The following LRP11 variants were observed in gnomAD, a reference collection of about 807,000 sequenced individuals.
The protein encoded by LRP11 is LDL receptor related protein 11, also known as low-density lipoprotein receptor-related protein 11.
LRP11 carries 25 observed loss-of-function variants against 43.1 expected under a neutral mutation model. The observed-to-expected ratio is 0.58, with a 90% CI of 0.42 to 0.81. The LOEUF is 0.81. LRP11 is among the 30% of genes least tolerant of loss of function. The probability of loss-of-function intolerance (pLI) is 0.00; values close to 1 mark genes in which losing one functional copy is unlikely to be tolerated. For missense variants in LRP11, 623 were observed against 665.1 expected (o/e 0.94, Z 0.70); for synonymous variants, 316 against 299.4 (o/e 1.06, Z -0.57).
At position 149,826,146 on chromosome 6, in the gene LRP11, C is replaced by T. The variant is rs550733097; in HGVS notation, c.1348+118G>A. ...GCAACGAGGAGACAGTTCTTTCGGT[C>T]CACTGACGGACTCCTCCTGTCCTGA... On this transcript the variant is annotated intron_variant, in intron 6 of 6. Coordinates refer to ENST00000239367, the MANE Select transcript of LRP11 (RefSeq NM_032832.6). 1.3e-4 allele frequency: 105 copies of T among 801,456 alleles called. 1 individual carries two copies. Among genetic ancestry groups the T allele is most frequent in the Middle Eastern group, 7.4e-4 (3 of 4,042 alleles). 49.6% of individuals were successfully genotyped at this position (801,456 alleles called of 1,614,324 possible). A position where few individuals can be genotyped will look rare whatever the true frequency, so the allele number is the denominator to read the frequency against.
chr6:149,822,314 TG>T (rs1217331550), intron 6 of LRP11, among the ~76,000 whole-genome samples: 7 of 151,192 alleles, frequency 4.6e-5, no homozygotes, highest in Admixed American at 3.3e-4. Flanking sequence ...CACTCCAGCC[TG>T]GGTGACAGTG....
At chr6:149,861,652 C>T (rs1374147206) in intron 1 of LRP11, among the ~76,000 whole-genome samples, 1 of 152,110 alleles carries the variant, frequency 6.6e-6, no homozygotes, top group African/African-American at 2.4e-5. Context: ...GAGCTGGGAT[C>T]ATAGACAGGC....
At chr6:149,823,699 T>G (rs1447062197) in intron 6 of LRP11, among the ~76,000 whole-genome samples, 1 of 152,178 alleles carries the variant, frequency 6.6e-6, no homozygotes, top group African/African-American at 2.4e-5. Flanking sequence ...CTGAACAAGA[T>G]TCTCAAGAAC....
At chr6:149,832,515 A>G (rs989970778) in intron 5 of LRP11, among the ~76,000 whole-genome samples, 1 of 151,958 alleles carries the variant, frequency 6.6e-6, no homozygotes, top group Admixed American at 6.6e-5. Context: ...TCCTCACCAC[A>G]TGTCTGTGCA....
At chr6:149,839,965 C>G (rs1374116480) in intron 3 of LRP11, among the ~76,000 whole-genome samples, 1 of 152,194 alleles carries the variant, frequency 6.6e-6, no homozygotes, top group Non-Finnish European at 1.5e-5. Context: ...CTAAAAATGT[C>G]TTGAACAACT....
chr6:149,832,933 C>T (rs993398820), intron 5 of LRP11, among the ~76,000 whole-genome samples: 54 of 151,496 alleles, frequency 3.6e-4, no homozygotes, highest in Admixed American at 3.5e-3. Context: ...CTCAGCCTCC[C>T]GAGTAGCTGG....
intron 2 of LRP11, among the ~76,000 whole-genome samples, chr6:149,850,173 C>T (rs1776697977): frequency 6.6e-6 from 1 of 152,222 alleles, no homozygotes; most frequent in Non-Finnish European, 1.5e-5. Context: ...CAGGTTTTAA[C>T]TTAACTATTT....
chr6:149,827,472 G>A lies in LRP11; in HGVS notation c.1253-1113C>T, dbSNP rs79840640. On this transcript the variant is annotated intron_variant, in intron 5 of 6. Transcript: ENST00000239367. The surrounding 1 kb of genome is among the most constrained non-coding windows in gnomAD (Gnocchi z 4.2). Reference sequence around the variant, plus strand: ...TTTACTAAGTCACAAAGTTGGCCAGGTGCACTGGCTCATGCCTATAATCCT... The same window carrying A: ...TTTACTAAGTCACAAAGTTGGCCAGATGCACTGGCTCATGCCTATAATCCT... Among the ~76,000 whole-genome samples, 3,750 of 152,310 alleles carry A rather than the reference G, an allele frequency of 0.025. 156 individuals carry two copies. The highest frequency in any genetic ancestry group is 0.084 in the African/African-American group (3,499 of 41,554).
At chr6:149,821,746 T>C (rs917416125) in intron 6 of LRP11, among the ~76,000 whole-genome samples, 13 of 152,208 alleles carry the variant, frequency 8.5e-5, no homozygotes, top group South Asian at 4.1e-4. Context: ...TGGAACTGTT[T>C]TTAGCTGTAG....
At chr6:149,848,953 G>A (rs1776680471) in intron 2 of LRP11, among the ~76,000 whole-genome samples, 1 of 152,170 alleles carries the variant, frequency 6.6e-6, no homozygotes, top group Non-Finnish European at 1.5e-5. Context: ...GCCATATGAG[G>A]ACACAGTGAG....
At chr6:149,823,165 CAAG>C (rs1776297858) in intron 6 of LRP11, among the ~76,000 whole-genome samples, 1 of 152,094 alleles carries the variant, frequency 6.6e-6, no homozygotes, top group Admixed American at 6.5e-5. Flanking sequence ...AAGAGACGTC[CAAG>C]AAGAAAGTCC....
intron 6 of LRP11, among the ~76,000 whole-genome samples, chr6:149,821,392 T>C (rs1427048936): frequency 6.6e-6 from 1 of 152,230 alleles, no homozygotes; most frequent in Non-Finnish European, 1.5e-5. Context: ...TATGAATTCA[T>C]ACATGATCAT....
intron 6 of LRP11, among the ~76,000 whole-genome samples, chr6:149,821,615 G>A (rs998850407): frequency 6.6e-6 from 1 of 152,190 alleles, no homozygotes; most frequent in African/African-American, 2.4e-5. Flanking sequence ...TAGAAGTAGC[G>A]AGGCTTGCAG....
At chr6:149,842,427 T>C in intron 3 of LRP11, 11 of 576,554 alleles carry the variant, frequency 1.9e-5, no homozygotes, top group Non-Finnish European at 6.2e-6. Context: ...CCTACTGTTT[T>C]AGCAATTTTG....
Position 149,863,443 on chromosome 6 carries a change from G to A in LRP11, c.578C>T (p.Ala193Val). The A allele has an allele frequency of 7.6e-7, 1 of 1,323,002 alleles. No homozygotes were observed. The highest frequency in any genetic ancestry group is 9.6e-7 in the Non-Finnish European group (1 of 1,044,712). The allele number at this position is 1,323,002 out of a possible 1,614,324, so 82.0% of individuals were successfully genotyped here. ...SYSLSRAPDGAALATARASPR... is the reference protein window; with the variant it reads ...SYSLSRAPDGVALATARASPR... ...CGAGGCGCGCGCGGTGGCCAGGGCG[G>A]CGCCGTCCGGCGCGCGGCTGAGGCT... The change falls in exon 1 of 7, where the codon GCC becomes GTC. Residue 193 changes from alanine (A) to valine (V), a missense_variant. Transcript: ENST00000239367.
In LRP11 at chr6:149,836,439, A is replaced by C. The variant is rs1776472667; in HGVS notation, c.1040-142T>G. The C allele has an allele frequency of 4.4e-6, 3 of 686,864 alleles. No homozygotes were observed. In the Admixed American group the frequency reaches 8.6e-5, roughly 20 times the overall value. The allele number at this position is 686,864 out of a possible 1,614,324, so 42.5% of individuals were successfully genotyped here. A position where few individuals can be genotyped will look rare whatever the true frequency, so the allele number is the denominator to read the frequency against. On this transcript the variant is annotated intron_variant, in intron 4 of 6. Transcript: ENST00000239367. ...CATCTAAGACATGTCAGAGGACCAT[A>C]AAAATCTATTCTCACGTTTTCAAAT...
At chr6:149,842,265 A>G (rs1441662989) in intron 3 of LRP11, among the ~76,000 whole-genome samples, 1 of 151,872 alleles carries the variant, frequency 6.6e-6, no homozygotes, top group Non-Finnish European at 1.5e-5. Context: ...TTTAATATGT[A>G]TTTTTAATTG....
chr6:149,846,981 TA>T (rs1776645383), intron 2 of LRP11, among the ~76,000 whole-genome samples: 1 of 150,932 alleles, frequency 6.6e-6, no homozygotes, highest in South Asian at 2.1e-4. Flanking sequence ...TAGAATAGAA[TA>T]GAATAGAATA....
intron 6 of LRP11, among the ~76,000 whole-genome samples, chr6:149,825,443 ATAAC>A (rs1164387075): frequency 6.6e-6 from 1 of 152,190 alleles, no homozygotes; most frequent in Admixed American, 6.5e-5. Flanking sequence ...TTCATCGTAA[ATAAC>A]TGAGTAATAA....
Sources: gnomAD v4.1 joint callset for allele counts (sites outside exome capture counted in the v4.1 genomes callset) on GRCh38, gnomAD v4.1.1 for gene constraint, Gnocchi (gnomAD v3.1) non-coding constraint, MANE v1.5 for transcripts, NCBI Gene and HGNC (gene_info 2026-07-23, HGNC 2026-07-21) for gene names.